SRRM3: variants seen among roughly 807,000 people sequenced by gnomAD.
SRRM3 encodes serine/arginine repetitive matrix protein 3.
Under a neutral mutation model 66.2 loss-of-function variants are expected in SRRM3, and 27 were observed. That is an observed-to-expected ratio of 0.41 (90% CI 0.30 to 0.56). The LOEUF (loss-of-function observed/expected upper bound fraction) is 0.56. Among genes scored for constraint, SRRM3 ranks in the 20% least tolerant of loss-of-function variants. SRRM3 has a pLI of 0.32. For synonymous variants in SRRM3, 391 were observed against 414.9 expected (o/e 0.94, Z 0.70); for missense variants, 918 against 991.9 (o/e 0.93, Z 1.00).
intron 12 of SRRM3, 40 bp from the exon 13 acceptor site, chr7:76,282,608 G>A (rs782696460): frequency 6.8e-6 from 3 of 439,892 alleles, no homozygotes; most frequent in African/African-American, 7.0e-5. Context: ...CCCCCTTTCC[G>A]GGTCGCTGAG....
chr7:76,230,738 ATT>A (rs1164137485), intron 1 of SRRM3, among the ~76,000 whole-genome samples: 1 of 138,642 alleles, frequency 7.2e-6, no homozygotes, highest in African/African-American at 2.8e-5. Flanking sequence ...TCTCACAATA[ATT>A]TCTTTTACTT....
At chr7:76,257,893 C>T (rs533207374) in intron 3 of SRRM3, among the ~76,000 whole-genome samples, 332 of 152,274 alleles carry the variant, frequency 2.2e-3, no homozygotes, top group Non-Finnish European at 3.4e-3. Context: ...CAGAGGGACA[C>T]GGCAGGCTCC....
At chr7:76,207,493 T>A (rs1800331262) in intron 1 of SRRM3, among the ~76,000 whole-genome samples, 1 of 152,116 alleles carries the variant, frequency 6.6e-6, no homozygotes, top group South Asian at 2.1e-4. Flanking sequence ...GTACATAGAG[T>A]TAAATAACCA....
chr7:76,235,058 C>T lies in SRRM3; in HGVS notation c.-9C>T. ...GCGGCCCAGGCCAGCGGCTCCAGGGCCAGCCACGATGTCCTCCACCGTGAA... is the reference window on the plus strand; with the variant it reads ...GCGGCCCAGGCCAGCGGCTCCAGGGTCAGCCACGATGTCCTCCACCGTGAA... On this transcript the variant is annotated 5_prime_UTR_variant, in exon 2 of 15. Coordinates refer to ENST00000611745, the MANE Select transcript of SRRM3 (RefSeq NM_001110199.3). 1.3e-6 allele frequency: 2 copies of T among 1,560,786 alleles called. No individual in the cohort carries two copies. Among genetic ancestry groups the T allele is most frequent in the South Asian group, 1.2e-5 (1 of 85,110 alleles).
chr7:76,208,171 C>T (rs1554601334), intron 1 of SRRM3, among the ~76,000 whole-genome samples: 1 of 152,064 alleles, frequency 6.6e-6, no homozygotes, highest in African/African-American at 2.4e-5. Context: ...ATATCCCTGG[C>T]GGGGTGGGCT....
chr7:76,247,233 G>A (rs1801463924), intron 2 of SRRM3, among the ~76,000 whole-genome samples: 2 of 152,142 alleles, frequency 1.3e-5, no homozygotes, highest in Non-Finnish European at 1.5e-5. Flanking sequence ...TAGGGTGGGA[G>A]AGGGAGGGGA....
chr7:76,266,278 A>ATTATATAT (rs1156790587), intron 10 of SRRM3, among the ~76,000 whole-genome samples: 5 of 118,942 alleles, frequency 4.2e-5, no homozygotes, highest in Non-Finnish European at 6.4e-5. Flanking sequence ...ATTTAATTAT[A>ATTATATAT]TTATATATTT....
intron 3 of SRRM3, among the ~76,000 whole-genome samples, chr7:76,250,574 G>A (rs915174378): frequency 6.6e-6 from 1 of 152,164 alleles, no homozygotes; most frequent in Non-Finnish European, 1.5e-5. Context: ...GGAACAGACA[G>A]ACCTCAATAG....
At chr7:76,277,556 C>T (rs915354520) in intron 11 of SRRM3, among the ~76,000 whole-genome samples, 11 of 151,936 alleles carry the variant, frequency 7.2e-5, no homozygotes, top group Middle Eastern at 3.4e-3. Context: ...ATTAGCTTGA[C>T]ATGGTGGCTC....
At chr7:76,282,555 CTCCGCCCT>C in intron 12 of SRRM3, 85 bp from the exon 13 acceptor site, 1 of 620,892 alleles carries the variant, frequency 1.6e-6, no homozygotes, top group Non-Finnish European at 2.4e-6. Flanking sequence ...GACCCCGCCC[CTCCGCCCT>C]AAGCCCCGCC....
intron 1 of SRRM3, among the ~76,000 whole-genome samples, chr7:76,213,985 C>A (rs1554602220): frequency 6.6e-6 from 1 of 151,898 alleles, no homozygotes; most frequent in East Asian, 1.9e-4. Context: ...CACCATGTAG[C>A]CCAGGCTGGT....
At chr7:76,219,546 T>C (rs1458354763) in intron 1 of SRRM3, among the ~76,000 whole-genome samples, 1 of 152,080 alleles carries the variant, frequency 6.6e-6, no homozygotes, top group Non-Finnish European at 1.5e-5. Context: ...AAATCTTTGC[T>C]CCAGGAACCC....
At chr7:76,228,624 T>A (rs1554603960) in intron 1 of SRRM3, among the ~76,000 whole-genome samples, 1 of 151,962 alleles carries the variant, frequency 6.6e-6, no homozygotes, top group African/African-American at 2.4e-5. Context: ...CTCAGGAGGC[T>A]AAGAAAGGAG....
intron 10 of SRRM3, among the ~76,000 whole-genome samples, chr7:76,266,487 TATATTTATATATTTAATATATAA>T (rs1563635284): frequency 1.8e-5 from 2 of 111,348 alleles, no homozygotes; most frequent in African/African-American, 3.7e-5. Context: ...ATATATTTTA[TATATTTATATATTTAATATATAA>T]ATATTTATAT....
At chr7:76,216,915 G>A (rs768633418) in intron 1 of SRRM3, among the ~76,000 whole-genome samples, 34 of 152,290 alleles carry the variant, frequency 2.2e-4, no homozygotes, top group Non-Finnish European at 4.3e-4. Flanking sequence ...GATCTCAGCC[G>A]GCCCAGCAGA....
At chr7:76,271,309 A>AAT (rs1157070805) in intron 11 of SRRM3, among the ~76,000 whole-genome samples, 2 of 151,830 alleles carry the variant, frequency 1.3e-5, no homozygotes, top group African/African-American at 2.4e-5. Flanking sequence ...CTCTACAAAA[A>AAT]ATATATATAT....
intron 10 of SRRM3, 140 bp from the exon 11 acceptor site, chr7:76,267,118 A>G: frequency 1.3e-6 from 1 of 774,504 alleles, no homozygotes; most frequent in Non-Finnish European, 1.8e-6. Flanking sequence ...CTAAGTGGAA[A>G]GGTTCCCAGC....
At chr7:76,239,469 G>A (rs1244842449) in intron 2 of SRRM3, among the ~76,000 whole-genome samples, 1 of 152,210 alleles carries the variant, frequency 6.6e-6, no homozygotes, top group South Asian at 2.1e-4. Context: ...GCTGAGGAGG[G>A]AGCACTTGAG....
chr7:76,225,431 GA>G (rs1199565879), intron 1 of SRRM3, among the ~76,000 whole-genome samples: 1 of 130,568 alleles, frequency 7.7e-6, no homozygotes, highest in Non-Finnish European at 1.8e-5. Context: ...GCAAGGCCAG[GA>G]AAAAAAAGCC....
Sources: allele counts gnomAD v4.1 joint callset (sites outside exome capture counted in the v4.1 genomes callset), GRCh38; gene constraint gnomAD v4.1.1; transcripts MANE v1.5; gene names NCBI Gene and HGNC (gene_info 2026-07-23, HGNC 2026-07-21).